ROBO1: variants seen among roughly 807,000 people sequenced by gnomAD.
The protein encoded by ROBO1 is roundabout guidance receptor 1.
A neutral mutation model predicts 195.9 loss-of-function variants in ROBO1; 149 were observed. The ratio of observed to expected loss-of-function variants is 0.76; its 90% confidence interval spans 0.67 to 0.87. The LOEUF is 0.87. Ranked by LOEUF, ROBO1 falls within the 40% of genes least tolerant of loss-of-function variation. The pLI, the probability that ROBO1 is intolerant of heterozygous loss-of-function variation, is 0.00. For missense variants in ROBO1, 1,933 were observed against 2,068.3 expected (o/e 0.93, Z 1.27); for synonymous variants, 816 against 733.2 (o/e 1.11, Z -1.82).
Position 79,368,602 on chromosome 3 carries a change from T to G in ROBO1, c.88+221222A>C, listed in dbSNP as rs184282317. Among the ~76,000 whole-genome samples, 372 of 152,162 alleles carry G rather than the reference T, an allele frequency of 2.4e-3. 2 individuals are homozygous for G. The highest frequency in any genetic ancestry group is 7.6e-3 in the African/African-American group (317 of 41,530). On this transcript the variant is annotated intron_variant, in intron 2 of 30. Coordinates refer to ENST00000464233, the MANE Select transcript of ROBO1 (RefSeq NM_002941.4). ...GCTATTATGCCTGAGAACCAGACTT[T>G]CCCTAACCACAGGAACTTGTTCTGT...
chr3:78,708,468 T>C (rs1294082537), intron 8 of ROBO1, among the ~76,000 whole-genome samples: 1 of 152,116 alleles, frequency 6.6e-6, no homozygotes, highest in Admixed American at 6.5e-5. Flanking sequence ...GAAAAAAGCA[T>C]TTGCTTTTCT....
chr3:79,535,430 G>A (rs1941819819), intron 2 of ROBO1, among the ~76,000 whole-genome samples: 1 of 152,064 alleles, frequency 6.6e-6, no homozygotes, highest in South Asian at 2.1e-4. Flanking sequence ...GGGAAGTGTG[G>A]TACATTTTCC....
At chr3:79,688,562 A>G (rs2107053519) in intron 1 of ROBO1, among the ~76,000 whole-genome samples, 1 of 152,194 alleles carries the variant, frequency 6.6e-6, no homozygotes, top group Admixed American at 6.5e-5. Context: ...TCCCACTGAC[A>G]TTTGTTTCCT....
At chr3:78,702,986 G>A (rs192092144) in intron 8 of ROBO1, among the ~76,000 whole-genome samples, 153 of 152,306 alleles carry the variant, frequency 1.0e-3, no homozygotes, top group African/African-American at 3.3e-3. Context: ...TTCTCTGTAG[G>A]AAGGCCATGA....
chr3:79,283,324 C>A (rs2031652876), intron 2 of ROBO1, among the ~76,000 whole-genome samples: 2 of 152,134 alleles, frequency 1.3e-5, no homozygotes, highest in Non-Finnish European at 2.9e-5. Context: ...CAGCATCATG[C>A]AATATACCCA....
intron 2 of ROBO1, among the ~76,000 whole-genome samples, chr3:79,362,727 C>T (rs1425972719): frequency 6.6e-6 from 1 of 152,082 alleles, no homozygotes; most frequent in East Asian, 1.9e-4. Context: ...CTCCAATTAA[C>T]TTTACGAAAT....
intron 3 of ROBO1, among the ~76,000 whole-genome samples, chr3:79,121,121 A>C (rs1271540069): frequency 6.6e-6 from 1 of 152,122 alleles, no homozygotes; most frequent in East Asian, 1.9e-4. Context: ...ACTGTCTTAG[A>C]GGGTTGTTGT....
intron 18 of ROBO1, among the ~76,000 whole-genome samples, chr3:78,654,502 T>G (rs962026999): frequency 2.0e-5 from 3 of 152,220 alleles, no homozygotes; most frequent in Admixed American, 6.5e-5. Flanking sequence ...TAATACATTC[T>G]TTGTATCTGC....
intron 4 of ROBO1, among the ~76,000 whole-genome samples, chr3:78,891,960 G>C (rs950807617): frequency 6.6e-6 from 1 of 152,218 alleles, no homozygotes; most frequent in African/African-American, 2.4e-5. Flanking sequence ...AACTAATGAG[G>C]AAATTTTGGA....
chr3:79,237,606 T>C (rs750826842), intron 2 of ROBO1, among the ~76,000 whole-genome samples: 19 of 152,140 alleles, frequency 1.2e-4, no homozygotes, highest in Non-Finnish European at 2.5e-4. Context: ...GACCTGTGGT[T>C]TCATCTGCAG....
chr3:79,343,811 A>T (rs961064878), intron 2 of ROBO1, among the ~76,000 whole-genome samples: 1 of 152,104 alleles, frequency 6.6e-6, no homozygotes, highest in Non-Finnish European at 1.5e-5. Context: ...GGAAGAAAAA[A>T]CATTTAAAAT....
intron 3 of ROBO1, among the ~76,000 whole-genome samples, chr3:79,106,464 A>T (rs2079782279): frequency 6.6e-6 from 1 of 151,666 alleles, no homozygotes; most frequent in Non-Finnish European, 1.5e-5. Context: ...TATTTTTGAT[A>T]TTATGGAACA....
At chr3:79,522,117 G>C (rs1361529869) in intron 2 of ROBO1, among the ~76,000 whole-genome samples, 2 of 152,040 alleles carry the variant, frequency 1.3e-5, no homozygotes, top group Non-Finnish European at 2.9e-5. Context: ...CTGTGGCTGT[G>C]CAACTCCAAA....
rs562702604 is a variant in ROBO1, at chr3:78,999,741, G to A, written c.173-60814C>T. ...GAAAATCTTCATATTCTGACCATAG[G>A]TTTATCTTTACAGGCACCTGATGAG... On this transcript the variant is annotated intron_variant, in intron 3 of 30. Transcript: ENST00000464233. Among the ~76,000 whole-genome samples, 4 of 152,126 alleles carry A rather than the reference G, an allele frequency of 2.6e-5. No individual in the cohort carries two copies. The South Asian group carries it at 8.3e-4, about 32-fold the overall frequency.
intron 2 of ROBO1, among the ~76,000 whole-genome samples, chr3:79,223,782 G>A (rs1212995008): frequency 6.6e-6 from 1 of 152,176 alleles, no homozygotes; most frequent in Non-Finnish European, 1.5e-5. Flanking sequence ...GCATCACTCT[G>A]TTTTGACATC....
chr3:79,722,745 C>T (rs1025554551), intron 1 of ROBO1, among the ~76,000 whole-genome samples: 2 of 152,118 alleles, frequency 1.3e-5, no homozygotes, highest in Admixed American at 1.3e-4. Flanking sequence ...TGTATCTCCA[C>T]TGTCATTGTC....
intron 2 of ROBO1, among the ~76,000 whole-genome samples, chr3:79,303,588 GCTGT>G (rs1249869811): frequency 6.6e-6 from 1 of 151,986 alleles, no homozygotes; most frequent in Admixed American, 6.6e-5. Flanking sequence ...ATTTATTCCT[GCTGT>G]CTAACTGAAG....
At chr3:79,319,616 T>C (rs923752248) in intron 2 of ROBO1, among the ~76,000 whole-genome samples, 2 of 152,086 alleles carry the variant, frequency 1.3e-5, no homozygotes, top group Non-Finnish European at 2.9e-5. Context: ...AAATGAAAAC[T>C]GTGCCTAAAA....
chr3:79,250,278 C>T (rs2082696187), intron 2 of ROBO1, among the ~76,000 whole-genome samples: 1 of 152,176 alleles, frequency 6.6e-6, no homozygotes, highest in African/African-American at 2.4e-5. Flanking sequence ...ATTATATATT[C>T]ATTTCTGGAT....
Sources: gnomAD v4.1 joint callset for allele counts (sites outside exome capture counted in the v4.1 genomes callset) on GRCh38, gnomAD v4.1.1 for gene constraint, MANE v1.5 for transcripts, NCBI Gene and HGNC (gene_info 2026-07-23, HGNC 2026-07-21) for gene names.